The following RNF180 variants were observed in gnomAD, a reference collection of about 807,000 sequenced individuals.
RNF180 encodes the protein ring finger protein 180, also known as E3 ubiquitin-protein ligase RNF180.
RNF180 carries 38 observed loss-of-function variants against 59.2 expected under a neutral mutation model. The observed-to-expected ratio is 0.64, with a 90% CI of 0.50 to 0.84. RNF180 has a LOEUF of 0.84. Ranked by LOEUF, RNF180 falls within the 40% of genes least tolerant of loss-of-function variation. The pLI is 0.00. For synonymous variants in RNF180, 262 were observed against 240.3 expected (o/e 1.09, Z -0.84); for missense variants, 705 against 700.9 (o/e 1.01, Z -0.07).
intron 1 of RNF180, among the ~76,000 whole-genome samples, chr5:64,186,296 T>C (rs1750871553): frequency 6.6e-6 from 1 of 152,100 alleles, no homozygotes; most frequent in Admixed American, 6.6e-5. Context: ...ATCAGACAAA[T>C]ACTTATTATC....
chr5:64,249,183 C>G (rs1039853533), intron 5 of RNF180, among the ~76,000 whole-genome samples: 1 of 152,000 alleles, frequency 6.6e-6, no homozygotes, highest in African/African-American at 2.4e-5. Context: ...AGCAAATGAC[C>G]GTGGCATGTG....
intron 5 of RNF180, among the ~76,000 whole-genome samples, chr5:64,264,593 G>C (rs1416291872): frequency 6.6e-6 from 1 of 152,118 alleles, no homozygotes; most frequent in Non-Finnish European, 1.5e-5. Context: ...ATATTCCATG[G>C]TGTATATGTG....
At chr5:64,266,270 T>C (rs1744673844) in intron 5 of RNF180, among the ~76,000 whole-genome samples, 1 of 152,082 alleles carries the variant, frequency 6.6e-6, no homozygotes, top group South Asian at 2.1e-4. Flanking sequence ...CAATGCCACA[T>C]AGAAAAGAAA....
chr5:64,187,032 AAAATG>A, intron 1 of RNF180, among the ~76,000 whole-genome samples: 1 of 152,184 alleles, frequency 6.6e-6, no homozygotes, highest in Non-Finnish European at 1.5e-5. Flanking sequence ...GGTAGCAATT[AAAATG>A]GACAAAACTA....
chr5:64,199,519 A>G (rs760304012), intron 1 of RNF180, among the ~76,000 whole-genome samples: 40 of 152,278 alleles, frequency 2.6e-4, no homozygotes, highest in Non-Finnish European at 2.1e-4. Flanking sequence ...AAGTGATTCT[A>G]TGTGCTACAG....
At chr5:64,257,448 C>T (rs1431695897) in intron 5 of RNF180, among the ~76,000 whole-genome samples, 1 of 152,140 alleles carries the variant, frequency 6.6e-6, no homozygotes, top group African/African-American at 2.4e-5. Context: ...TTTTCTGCAT[C>T]TGTTGAGATA....
chr5:64,283,542 A>C (rs1474538604), intron 5 of RNF180, among the ~76,000 whole-genome samples: 1 of 152,112 alleles, frequency 6.6e-6, no homozygotes, highest in East Asian at 1.9e-4. Flanking sequence ...TGCACATGTC[A>C]AGGGCAGGAC....
chr5:64,357,888 G>C (rs1746093240), intron 7 of RNF180, among the ~76,000 whole-genome samples: 1 of 151,772 alleles, frequency 6.6e-6, no homozygotes, highest in Non-Finnish European at 1.5e-5. Flanking sequence ...TAAAATTGAA[G>C]AAAAGACAAG....
intron 1 of RNF180, among the ~76,000 whole-genome samples, chr5:64,172,273 A>T (rs2111879014): frequency 6.6e-6 from 1 of 152,296 alleles, no homozygotes; most frequent in Non-Finnish European, 1.5e-5. Flanking sequence ...GCTTTAATGT[A>T]CAAAAAGGAT....
At chr5:64,234,824 C>T (rs538631305) in intron 5 of RNF180, among the ~76,000 whole-genome samples, 118 of 152,056 alleles carry the variant, frequency 7.8e-4, no homozygotes, top group African/African-American at 2.6e-3. Context: ...TGGTCTCGAT[C>T]TCCTGACCTC....
intron 1 of RNF180, 100 bp downstream of exon 1, chr5:64,166,053 C>G (rs1749615260): frequency 6.6e-6 from 1 of 152,192 alleles, no homozygotes; most frequent in Non-Finnish European, 1.5e-5. Flanking sequence ...TGGCCCGGGC[C>G]CCCACGTTGG....
At chr5:64,183,440 C>CATT (rs1750712359) in intron 1 of RNF180, among the ~76,000 whole-genome samples, 1 of 130,190 alleles carries the variant, frequency 7.7e-6, no homozygotes, top group African/African-American at 3.2e-5. Flanking sequence ...AGAAAGTATA[C>CATT]CTTTTTTTTT....
intron 5 of RNF180, among the ~76,000 whole-genome samples, chr5:64,291,501 T>G (rs942902280): frequency 7.0e-6 from 1 of 141,866 alleles, no homozygotes; most frequent in Non-Finnish European, 1.5e-5. Context: ...CTTGGCTCAC[T>G]GCAAGCTCCG....
intron 5 of RNF180, among the ~76,000 whole-genome samples, chr5:64,279,627 G>A (rs1222771967): frequency 6.6e-6 from 1 of 152,080 alleles, no homozygotes; most frequent in Non-Finnish European, 1.5e-5. Flanking sequence ...GCTAATGGGT[G>A]TCTTTTATTT....
At chr5:64,172,049 G>A (rs1749965261) in intron 1 of RNF180, among the ~76,000 whole-genome samples, 1 of 152,186 alleles carries the variant, frequency 6.6e-6, no homozygotes, top group Non-Finnish European at 1.5e-5. Flanking sequence ...TAACAGTAAT[G>A]TCTTTGGGCA....
intron 5 of RNF180, among the ~76,000 whole-genome samples, chr5:64,282,084 TCTC>T (rs1407197400): frequency 2.6e-5 from 4 of 151,578 alleles, no homozygotes; most frequent in Admixed American, 6.6e-5. Context: ...TGTTGTTGTA[TCTC>T]CTCCTCAATT....
intron 5 of RNF180, among the ~76,000 whole-genome samples, chr5:64,324,631 A>G (rs1399548256): frequency 2.0e-5 from 3 of 152,350 alleles, no homozygotes; most frequent in East Asian, 1.9e-4. Context: ...GGCTAATCCC[A>G]TAATTACTCT....
intron 7 of RNF180, among the ~76,000 whole-genome samples, chr5:64,354,148 T>C (rs1391876076): frequency 6.6e-6 from 1 of 151,382 alleles, no homozygotes; most frequent in Non-Finnish European, 1.5e-5. Flanking sequence ...AAATACAGAA[T>C]AGAAAAATAG....
At chr5:64,348,970 A>G (rs920720253) in intron 7 of RNF180, among the ~76,000 whole-genome samples, 3 of 152,130 alleles carry the variant, frequency 2.0e-5, no homozygotes, top group East Asian at 1.9e-4. Context: ...CAATAAGCTT[A>G]AGATTTTAAC....
Sources: allele counts gnomAD v4.1 joint callset (sites outside exome capture counted in the v4.1 genomes callset), GRCh38; gene constraint gnomAD v4.1.1; transcripts MANE v1.5; gene names NCBI Gene and HGNC (gene_info 2026-07-23, HGNC 2026-07-21).